MAPRE3: variants seen among roughly 807,000 people sequenced by gnomAD.
The protein encoded by MAPRE3 is microtubule-associated protein RP/EB family member 3.
Under a neutral mutation model 30.5 loss-of-function variants are expected in MAPRE3, and 2 were observed. The ratio of observed to expected loss-of-function variants is 0.07; its 90% CI spans 0.03 to 0.21. The LOEUF is 0.21. Among genes scored for constraint, MAPRE3 ranks in the 10% least tolerant of loss-of-function variants. The probability of loss-of-function intolerance (pLI) is 1.00; values close to 1 mark genes in which losing one functional copy is unlikely to be tolerated. For missense variants in MAPRE3, 204 were observed against 351.8 expected (o/e 0.58, Z 3.36); for synonymous variants, 110 against 127.7 (o/e 0.86, Z 0.93).
At chr2:27,021,682 C>T (rs1667112935) in intron 1 of MAPRE3, among the ~76,000 whole-genome samples, 1 of 152,166 alleles carries the variant, frequency 6.6e-6, no homozygotes, top group Non-Finnish European at 1.5e-5. Flanking sequence ...TTGTGCCACA[C>T]CCCAACAGAA....
chr2:27,025,653 C>G lies in MAPRE3; in HGVS notation c.540C>G (p.Pro180=), dbSNP rs1268767040. 1.2e-6 allele frequency: 2 copies of G among 1,611,738 alleles called. No individual in the cohort carries two copies. Among genetic ancestry groups the G allele is most frequent in the African/African-American group, 1.3e-5 (1 of 75,034 alleles). The stretch of plus-strand genomic sequence containing the variant: ...CTGGCCGGCTGAGCAATGTGGCCCC[C>G]CCCTGCATTCTCCGGAAGAATCCTC... ...QTSGRLSNVA[P]PCILRKNPPS... Residue 180 remains proline, a synonymous_variant, in exon 5 of 7, where the codon CCC becomes CCG. Coordinates refer to ENST00000233121, the MANE Select transcript of MAPRE3 (RefSeq NM_012326.4).
intron 1 of MAPRE3, among the ~76,000 whole-genome samples, chr2:27,020,098 A>G (rs1247023897): frequency 1.3e-5 from 2 of 152,216 alleles, no homozygotes; most frequent in African/African-American, 4.8e-5. Context: ...ATTGAGAACC[A>G]TGGAACAGAG....
chr2:27,000,488 C>T (rs1321323396), intron 1 of MAPRE3, among the ~76,000 whole-genome samples: 1 of 152,052 alleles, frequency 6.6e-6, no homozygotes, highest in East Asian at 1.9e-4. Flanking sequence ...AAGTGAAAGA[C>T]TTAAAAACAA....
intron 1 of MAPRE3, among the ~76,000 whole-genome samples, chr2:27,017,243 C>T (rs1667010082): frequency 6.6e-6 from 1 of 152,144 alleles, no homozygotes; most frequent in Non-Finnish European, 1.5e-5. Context: ...CCAAATGGAC[C>T]CCCATTAGGG....
intron 1 of MAPRE3, 73 bp from the exon 2 acceptor site, chr2:27,022,139 G>T (rs1667121778): frequency 1.4e-5 from 22 of 1,545,008 alleles, no homozygotes; most frequent in Non-Finnish European, 1.8e-5. Flanking sequence ...GTATCATACA[G>T]CCCCTCTCTC....
intron 1 of MAPRE3, chr2:26,984,837 G>A (rs949745357): frequency 2.6e-5 from 4 of 152,210 alleles, no homozygotes; most frequent in Non-Finnish European, 5.9e-5. Flanking sequence ...ATTACATGCA[G>A]AACGCACTTC....
At chr2:27,022,395 C>A in intron 2 of MAPRE3, 56 bp downstream of exon 2, 1 of 1,599,632 alleles carries the variant, frequency 6.3e-7, no homozygotes, top group South Asian at 1.1e-5. Context: ...AAAGAAAGGT[C>A]GGAAGGCAGA....
At chr2:26,987,775 C>T (rs920430229) in intron 1 of MAPRE3, among the ~76,000 whole-genome samples, 1 of 152,160 alleles carries the variant, frequency 6.6e-6, no homozygotes. Flanking sequence ...TGTTCCTAAC[C>T]ACCCAGACTC....
chr2:27,010,536 G>A (rs1009307294), intron 1 of MAPRE3, among the ~76,000 whole-genome samples: 13 of 143,266 alleles, frequency 9.1e-5, no homozygotes, highest in Non-Finnish European at 1.4e-4. Context: ...TCCACCTCCC[G>A]GGTTCAAGCC....
chr2:27,006,394 G>A (rs1666729412), intron 1 of MAPRE3, among the ~76,000 whole-genome samples: 1 of 152,234 alleles, frequency 6.6e-6, no homozygotes, highest in South Asian at 2.1e-4. Context: ...TGTAACAAAA[G>A]ACAGATCAGC....
chr2:27,019,192 C>T (rs1667058285), intron 1 of MAPRE3, among the ~76,000 whole-genome samples: 1 of 151,956 alleles, frequency 6.6e-6, no homozygotes, highest in Admixed American at 6.6e-5. Context: ...ACCGCACCCG[C>T]TCTCACACAC....
intron 1 of MAPRE3, among the ~76,000 whole-genome samples, chr2:26,995,755 A>C (rs1212060370): frequency 7.4e-6 from 1 of 135,824 alleles, no homozygotes; most frequent in Non-Finnish European, 1.5e-5. Context: ...GACTTTTTCA[A>C]ATACCTGAGG....
intron 1 of MAPRE3, among the ~76,000 whole-genome samples, chr2:27,017,788 C>T (rs1667020884): frequency 6.9e-6 from 1 of 145,166 alleles, no homozygotes; most frequent in South Asian, 2.3e-4. Flanking sequence ...ATCATCTGGG[C>T]TATTCTTTAA....
intron 1 of MAPRE3, among the ~76,000 whole-genome samples, chr2:27,020,250 G>A (rs1667082273): frequency 6.6e-6 from 1 of 152,172 alleles, no homozygotes; most frequent in Admixed American, 6.5e-5. Context: ...GTGGTCAGGA[G>A]GAGTCACATG....
intron 4 of MAPRE3, among the ~76,000 whole-genome samples, 160 bp downstream of exon 4, chr2:27,024,457 G>A (rs1667190205): frequency 1.3e-5 from 2 of 152,374 alleles, no homozygotes; most frequent in South Asian, 4.1e-4. Context: ...TAGACCGGGG[G>A]AGTGAAAGTA....
intron 1 of MAPRE3, among the ~76,000 whole-genome samples, chr2:26,979,443 G>A (rs1032105711): frequency 5.9e-5 from 9 of 152,118 alleles, no homozygotes; most frequent in East Asian, 1.9e-4. Flanking sequence ...TAAATTAGCC[G>A]GGCATGGTGG....
Position 27,026,414 on chromosome 2 carries a change from T to C in MAPRE3, c.*66T>C. ...CCTCCCTCCCTGCTCCACTCCCACA[T>C]TATAGTCCTTTCCTAACACGGTCGG... is the stretch of plus-strand genomic sequence containing the variant. On this transcript the variant is annotated 3_prime_UTR_variant, in exon 7 of 7. Coordinates refer to ENST00000233121, the MANE Select transcript of MAPRE3 (RefSeq NM_012326.4). 1 of 1,341,218 alleles carries C rather than the reference T, an allele frequency of 7.5e-7. No homozygotes were observed. The highest frequency in any genetic ancestry group is 2.3e-5 in the East Asian group (1 of 43,298). The allele number at this position is 1,341,218 out of a possible 1,614,324, so 83.1% of individuals were successfully genotyped here.
chr2:27,022,373 T>C, intron 2 of MAPRE3, 34 bp downstream of exon 2: 1 of 1,608,930 alleles, frequency 6.2e-7, no homozygotes, highest in Non-Finnish European at 8.5e-7. Flanking sequence ...GTGGCCCTGC[T>C]GGAAGGAAAG....
intron 1 of MAPRE3, chr2:26,997,014 T>G (rs1195732140): frequency 6.6e-6 from 1 of 152,138 alleles, no homozygotes; most frequent in Non-Finnish European, 1.5e-5. Flanking sequence ...TTTGAACTAG[T>G]GTAGATATCT....
Sources: gnomAD v4.1 joint callset for allele counts (sites outside exome capture counted in the v4.1 genomes callset) on GRCh38, gnomAD v4.1.1 for gene constraint, MANE v1.5 for transcripts, NCBI Gene and HGNC (gene_info 2026-07-23, HGNC 2026-07-21) for gene names.